PLPPR1: variants seen among roughly 807,000 people sequenced by gnomAD.
The protein encoded by PLPPR1 is phospholipid phosphatase-related protein type 1.
A neutral mutation model predicts 33.1 loss-of-function variants in PLPPR1; 10 were observed. That is an observed-to-expected ratio of 0.30 (90% CI 0.19 to 0.51). The LOEUF (loss-of-function observed/expected upper bound fraction) is 0.51. PLPPR1 is among the 20% of genes least tolerant of loss of function. The pLI is 0.97. For synonymous variants in PLPPR1, 151 were observed against 151.0 expected (o/e 1.00, Z 0.00); for missense variants, 304 against 408.1 (o/e 0.74, Z 2.20).
chr9:101,041,039 G>A (rs546287221), intron 1 of PLPPR1, among the ~76,000 whole-genome samples: 1 of 152,184 alleles, frequency 6.6e-6, no homozygotes, highest in African/African-American at 2.4e-5. Context: ...CCCAGAATGG[G>A]GGAGATCTGT....
chr9:101,138,648 C>A (rs76575920), intron 1 of PLPPR1, among the ~76,000 whole-genome samples: 386 of 152,334 alleles, frequency 2.5e-3, no homozygotes, highest in Middle Eastern at 0.01. Flanking sequence ...TGTGTGACCT[C>A]TGTTGAGTTA....
At chr9:101,202,622 G>T (rs1826514556) in intron 2 of PLPPR1, among the ~76,000 whole-genome samples, 1 of 152,174 alleles carries the variant, frequency 6.6e-6, no homozygotes, top group Non-Finnish European at 1.5e-5. Context: ...AAGTACTATA[G>T]AGAGCACAGA....
intron 4 of PLPPR1, among the ~76,000 whole-genome samples, chr9:101,296,562 G>A (rs114407748): frequency 0.048 from 7,311 of 152,040 alleles, 544 homozygotes; most frequent in African/African-American, 0.16. Context: ...ATGTCCAACA[G>A]TGATCCACTG....
At chr9:101,236,087 G>C (rs1202344763) in intron 2 of PLPPR1, among the ~76,000 whole-genome samples, 1 of 151,656 alleles carries the variant, frequency 6.6e-6, no homozygotes, top group Non-Finnish European at 1.5e-5. Flanking sequence ...CTGGTAGAGA[G>C]ACTTTAAAGC....
At chr9:101,275,957 C>A (rs1828184579) in intron 3 of PLPPR1, among the ~76,000 whole-genome samples, 1 of 152,116 alleles carries the variant, frequency 6.6e-6, no homozygotes, top group Non-Finnish European at 1.5e-5. Context: ...TGTGAATCTT[C>A]ATTTGGGGGT....
chr9:101,247,920 T>G (rs1275286112), intron 2 of PLPPR1, among the ~76,000 whole-genome samples: 1 of 152,060 alleles, frequency 6.6e-6, no homozygotes, highest in Non-Finnish European at 1.5e-5. Context: ...GCTAAGTTTT[T>G]TTTCTGATTC....
At chr9:101,222,058 C>T (rs1423728607) in intron 2 of PLPPR1, among the ~76,000 whole-genome samples, 2 of 152,112 alleles carry the variant, frequency 1.3e-5, no homozygotes, top group African/African-American at 4.8e-5. Flanking sequence ...AAGTTCTTCA[C>T]TAGGAGAGCA....
At chr9:101,286,042 C>T in intron 3 of PLPPR1, 62 bp from the exon 4 acceptor site, 2 of 1,410,680 alleles carry the variant, frequency 1.4e-6, no homozygotes, top group Non-Finnish European at 2.0e-6. Flanking sequence ...GTTTTTAAAG[C>T]CATGGGCCTC....
intron 1 of PLPPR1, among the ~76,000 whole-genome samples, chr9:101,154,148 C>T (rs1301705292): frequency 2.0e-5 from 3 of 152,144 alleles, no homozygotes; most frequent in African/African-American, 7.2e-5. Context: ...TGATGTTCAT[C>T]AGGGATATTG....
chr9:101,131,178 T>G (rs1326048238), intron 1 of PLPPR1, among the ~76,000 whole-genome samples: 1 of 152,222 alleles, frequency 6.6e-6, no homozygotes, highest in Non-Finnish European at 1.5e-5. Flanking sequence ...ACATTGCCTA[T>G]TGTAATGCCC....
At chr9:101,197,599 A>G (rs1282635387) in intron 2 of PLPPR1, among the ~76,000 whole-genome samples, 1 of 152,172 alleles carries the variant, frequency 6.6e-6, no homozygotes, top group Non-Finnish European at 1.5e-5. Flanking sequence ...GTAAAATGTG[A>G]TGCCTTTTTG....
At chr9:101,154,820 A>T (rs4333671) in intron 1 of PLPPR1, among the ~76,000 whole-genome samples, 69,140 of 151,638 alleles carry the variant, frequency 0.46, 16,194 homozygotes, top group Non-Finnish European at 0.51. Flanking sequence ...AGGAACATGG[A>T]TGAAGCTGGA....
intron 1 of PLPPR1, among the ~76,000 whole-genome samples, chr9:101,118,419 C>T (rs1050237210): frequency 4.4e-4 from 67 of 152,182 alleles, no homozygotes; most frequent in African/African-American, 1.4e-3. Context: ...CAAGAGGTGA[C>T]GAGAAATTGA....
At chr9:101,264,131 T>G (rs1030226789) in intron 2 of PLPPR1, among the ~76,000 whole-genome samples, 1 of 152,144 alleles carries the variant, frequency 6.6e-6, no homozygotes, top group African/African-American at 2.4e-5. Context: ...TGTGCAACTA[T>G]TGACATTTGT....
rs766453926 is a variant in PLPPR1 at position 101,324,323 on chromosome 9, T to G, written c.*266T>G. 2.5e-4 allele frequency: 89 copies of G among 356,232 alleles called. No individual in the cohort carries two copies. Among genetic ancestry groups the G allele is most frequent in the Non-Finnish European group, 4.0e-4 (79 of 198,400 alleles). 22.1% of individuals were successfully genotyped at this position (356,232 alleles called of 1,614,324 possible). A position where few individuals can be genotyped will look rare whatever the true frequency, so the allele number is the denominator to read the frequency against. On this transcript the variant is annotated 3_prime_UTR_variant, in exon 8 of 8. Transcript: ENST00000374874. ...CAAGCGTGCATTGAAGAACCACATT[T>G]ATTCAATGGTTGACGTTGTTTTGTG...
intron 1 of PLPPR1, among the ~76,000 whole-genome samples, chr9:101,153,097 C>T (rs1831616104): frequency 6.6e-6 from 1 of 152,150 alleles, no homozygotes; most frequent in African/African-American, 2.4e-5. Context: ...TGTAGTTCTC[C>T]TTGAAGAGGT....
intron 4 of PLPPR1, among the ~76,000 whole-genome samples, chr9:101,300,195 AC>A (rs1828726838): frequency 2.0e-5 from 3 of 152,084 alleles, no homozygotes; most frequent in Non-Finnish European, 4.4e-5. Context: ...ATTTTCTGAG[AC>A]AGGGTCTTAC....
chr9:101,135,773 G>A (rs761570634), intron 1 of PLPPR1, among the ~76,000 whole-genome samples: 2 of 152,108 alleles, frequency 1.3e-5, no homozygotes, highest in Non-Finnish European at 2.9e-5. Flanking sequence ...TTACCTCCTT[G>A]GAGATCCCTG....
chr9:101,155,801 T>TGTTG (rs1184868777), intron 1 of PLPPR1, among the ~76,000 whole-genome samples: 1 of 152,030 alleles, frequency 6.6e-6, no homozygotes, highest in East Asian at 1.9e-4. Context: ...GGTTTCTCCA[T>TGTTG]GTTGGTCAGT....
Sources: gnomAD v4.1 joint callset for allele counts (sites outside exome capture counted in the v4.1 genomes callset) on GRCh38, gnomAD v4.1.1 for gene constraint, MANE v1.5 for transcripts, NCBI Gene and HGNC (gene_info 2026-07-23, HGNC 2026-07-21) for gene names.